Variants in XIRP2 observed in about 807,000 individuals in gnomAD.
The protein encoded by XIRP2 is xin actin-binding repeat-containing protein 2.
A neutral mutation model predicts 277.0 loss-of-function variants in XIRP2; 236 were observed. That is an observed-to-expected ratio of 0.85 (90% confidence interval 0.77 to 0.95). The LOEUF is 0.95. XIRP2 is among the 40% of genes least tolerant of loss of function. XIRP2 has a pLI of 0.00. For missense variants in XIRP2, 4,640 were observed against 4,157.5 expected, an observed-to-expected ratio of 1.12 and a Z score of -3.19; for synonymous variants, 1,490 against 1,416.5, an observed-to-expected ratio of 1.05 and a Z score of -1.17.
At chr2:166,902,309 G>A (rs1010350856) in intron 1 of XIRP2, among the ~76,000 whole-genome samples, 3 of 152,024 alleles carry the variant, frequency 2.0e-5, no homozygotes, top group African/African-American at 7.2e-5. Context: ...TTTGTTTCTT[G>A]TATATATACA....
chr2:167,173,717 A>G (rs910251109), intron 3 of XIRP2, among the ~76,000 whole-genome samples: 2 of 152,186 alleles, frequency 1.3e-5, no homozygotes, highest in South Asian at 2.1e-4. Flanking sequence ...ACTGTTCTCC[A>G]TAGTAAATAT....
chr2:167,220,683 T>C (rs1694397052), intron 5 of XIRP2, among the ~76,000 whole-genome samples: 1 of 152,158 alleles, frequency 6.6e-6, no homozygotes, highest in Admixed American at 6.5e-5. Context: ...TCTTGTTGGC[T>C]CCGAATGGAA....
At chr2:166,909,213 G>C (rs931707418) in intron 2 of XIRP2, among the ~76,000 whole-genome samples, 3 of 152,132 alleles carry the variant, frequency 2.0e-5, no homozygotes, top group Admixed American at 2.0e-4. Flanking sequence ...TGGGCAGTAT[G>C]GGATTTTCAT....
intron 2 of XIRP2, among the ~76,000 whole-genome samples, chr2:166,996,958 T>G (rs1558941279): frequency 6.6e-6 from 1 of 152,176 alleles, no homozygotes; most frequent in Non-Finnish European, 1.5e-5. Context: ...CTAGATAACA[T>G]TTACACCTTA....
chr2:167,098,463 G>T (rs1287170172), intron 2 of XIRP2, among the ~76,000 whole-genome samples: 1 of 152,104 alleles, frequency 6.6e-6, no homozygotes, highest in African/African-American at 2.4e-5. Context: ...TTTTATCAAG[G>T]CGTTAGCTTC....
rs1281901081 is a variant in XIRP2, at chr2:167,250,473, A to C, written c.9081A>C (p.Glu3027Asp). Residue 3027 changes from glutamate (E) to aspartate (D), a missense_variant, in exon 9 of 11, where the codon GAA (glutamate) becomes GAC (aspartate). Glu to Asp is a conservative substitution (Grantham distance 45, BLOSUM62 2). Transcript: ENST00000409195. ...TQAEDMLVSY[E>D]NIIQTAMMSS... ...CGGAAGATATGCTTGTGTCCTATGAAAATATAATTCAGACAGCCATGATGT... is the reference window on the plus strand; with the variant it reads ...CGGAAGATATGCTTGTGTCCTATGACAATATAATTCAGACAGCCATGATGT... 6.2e-7 allele frequency: 1 copy of C among 1,613,438 alleles called. No individual in the cohort carries two copies. Among genetic ancestry groups the C allele is most frequent in the South Asian group, 1.1e-5 (1 of 91,010 alleles).
At chr2:166,946,087 C>A (rs1462121133) in intron 2 of XIRP2, among the ~76,000 whole-genome samples, 4 of 152,120 alleles carry the variant, frequency 2.6e-5, no homozygotes, top group Non-Finnish European at 5.9e-5. Flanking sequence ...AAAACTCTCA[C>A]AGATGAGAAG....
chr2:166,908,528 T>TGAGTAG (rs1684596431), intron 2 of XIRP2, among the ~76,000 whole-genome samples: 1 of 152,134 alleles, frequency 6.6e-6, no homozygotes, highest in South Asian at 2.1e-4. Flanking sequence ...CTTTGTCAGA[T>TGAGTAG]GAGTAGATTG....
chr2:167,075,195 T>C (rs1217124395), intron 2 of XIRP2, among the ~76,000 whole-genome samples: 2 of 152,172 alleles, frequency 1.3e-5, no homozygotes, highest in African/African-American at 4.8e-5. Flanking sequence ...TGTTTTGTTT[T>C]GTTTTGTTTT....
At chr2:166,909,822 G>T (rs569316969) in intron 2 of XIRP2, among the ~76,000 whole-genome samples, 1 of 152,280 alleles carries the variant, frequency 6.6e-6, no homozygotes, top group South Asian at 2.1e-4. Context: ...TTAGCATGAA[G>T]TGCTGTTGAA....
intron 2 of XIRP2, among the ~76,000 whole-genome samples, chr2:166,942,369 T>C (rs1247701196): frequency 6.6e-6 from 1 of 152,224 alleles, no homozygotes; most frequent in East Asian, 1.9e-4. Flanking sequence ...CTTTCATAGG[T>C]ATTACTTCTC....
intron 5 of XIRP2, among the ~76,000 whole-genome samples, chr2:167,235,172 C>T (rs542292202): frequency 6.6e-6 from 1 of 151,844 alleles, no homozygotes; most frequent in African/African-American, 2.4e-5. Context: ...TTTCTTGGTA[C>T]AGACTTCTTC....
At chr2:167,124,176 A>G (rs1191217107) in intron 2 of XIRP2, 2 of 152,142 alleles carry the variant, frequency 1.3e-5, no homozygotes, top group African/African-American at 4.8e-5. Flanking sequence ...AAATTGTTTC[A>G]TAGTATTCTA....
chr2:167,036,640 G>A (rs1688514294), intron 2 of XIRP2, among the ~76,000 whole-genome samples: 1 of 152,144 alleles, frequency 6.6e-6, no homozygotes, highest in East Asian at 1.9e-4. Context: ...GGTTAATGCT[G>A]AAATGAGTTA....
In XIRP2 at chr2:167,243,779, C is replaced by CAG. The variant is rs1206200759; in HGVS notation, c.2387_2388insAG (p.Met797AlafsTer10). On this transcript the variant is annotated frameshift_variant, in exon 9 of 11. Coordinates refer to ENST00000409195, the MANE Select transcript of XIRP2 (RefSeq NM_152381.6). LOFTEE classifies it high-confidence loss of function. ...GAAATTAAAGTTGTCCGAGGAATAT[C>CAG]CATGGAAGAAAATGTCAAAGGTGGG... 3 of 1,613,774 alleles carry CAG rather than the reference C, an allele frequency of 1.9e-6. No individual in the cohort carries two copies. Among genetic ancestry groups the CAG allele is most frequent in the Non-Finnish European group, 2.5e-6 (3 of 1,179,924 alleles).
intron 3 of XIRP2, among the ~76,000 whole-genome samples, chr2:167,154,237 C>G (rs187235248): frequency 0.062 from 9,278 of 148,704 alleles, 827 homozygotes; most frequent in Non-Finnish European, 0.096. Flanking sequence ...ATATCCTTGG[C>G]CACTTTTTGA....
chr2:167,165,284 C>T (rs1028751393), intron 3 of XIRP2, among the ~76,000 whole-genome samples: 1 of 152,184 alleles, frequency 6.6e-6, no homozygotes, highest in African/African-American at 2.4e-5. Flanking sequence ...TTTTGGCAAT[C>T]ATATGTAAAC....
intron 2 of XIRP2, among the ~76,000 whole-genome samples, chr2:166,911,105 G>A (rs1684687515): frequency 6.6e-6 from 1 of 152,186 alleles, no homozygotes; most frequent in Admixed American, 6.5e-5. Context: ...TTGGGGTGGA[G>A]AGTTCTGTAG....
chr2:166,907,598 G>A (rs1018847628), intron 2 of XIRP2, among the ~76,000 whole-genome samples: 5 of 151,658 alleles, frequency 3.3e-5, no homozygotes, highest in Admixed American at 2.0e-4. Flanking sequence ...CAGATGTATG[G>A]ACAGGTCATA....
Sources: gnomAD v4.1 joint callset for allele counts (sites outside exome capture counted in the v4.1 genomes callset) on GRCh38, gnomAD v4.1.1 for gene constraint, MANE v1.5 for transcripts, NCBI Gene and HGNC (gene_info 2026-07-23, HGNC 2026-07-21) for gene names.